The following KLHL1 variants were observed in gnomAD, a reference collection of about 807,000 sequenced individuals.
KLHL1 encodes the protein kelch like family member 1, also known as kelch-like protein 1.
KLHL1 carries 47 observed loss-of-function variants against 77.7 expected under a neutral mutation model. That is an observed-to-expected ratio of 0.60 (90% CI 0.48 to 0.77). The LOEUF (loss-of-function observed/expected upper bound fraction) is 0.77, where lower values mean the gene tolerates loss of function less well. Ranked by LOEUF, KLHL1 falls within the 30% of genes least tolerant of loss-of-function variation. The pLI is 0.00. For missense variants in KLHL1, 925 were observed against 910.8 expected (o/e 1.02, Z -0.20); for synonymous variants, 360 against 325.2 (o/e 1.11, Z -1.15).
At chr13:69,999,714 A>C (rs1430503058) in intron 1 of KLHL1, among the ~76,000 whole-genome samples, 1 of 152,052 alleles carries the variant, frequency 6.6e-6, no homozygotes, top group Non-Finnish European at 1.5e-5. Context: ...ACTGTGGTAG[A>C]ACTTTCAGAA....
chr13:69,754,027 G>A (rs1322902604), intron 7 of KLHL1, among the ~76,000 whole-genome samples: 1 of 151,700 alleles, frequency 6.6e-6, no homozygotes, highest in East Asian at 2.0e-4. Flanking sequence ...TTTTAGTAGA[G>A]ATGGGGGTGT....
chr13:69,980,357 T>G (rs1020924210), intron 1 of KLHL1, among the ~76,000 whole-genome samples: 7 of 152,252 alleles, frequency 4.6e-5, no homozygotes, highest in African/African-American at 1.7e-4. Context: ...TTTTTATCTC[T>G]TCCCATTGCC....
chr13:70,029,949 C>T lies in KLHL1; in HGVS notation c.498-54147G>A, dbSNP rs1158876797. Among the ~76,000 whole-genome samples the T allele has an allele frequency of 7.9e-5, 12 of 152,212 alleles. No individual in the cohort carries two copies. In the East Asian group the frequency reaches 2.3e-3, roughly 29 times the overall value. Reference sequence around the variant, plus strand: ...AACAAAAAAAGGCAGGGGTTGCAATCCTAGTCTCTGATAAAACAGACTTTA... The same window carrying T: ...AACAAAAAAAGGCAGGGGTTGCAATTCTAGTCTCTGATAAAACAGACTTTA... On this transcript the variant is annotated intron_variant, in intron 1 of 10. Transcript: ENST00000377844.
intron 1 of KLHL1, among the ~76,000 whole-genome samples, chr13:70,041,067 T>C (rs1233811737): frequency 6.6e-6 from 1 of 152,196 alleles, no homozygotes; most frequent in Non-Finnish European, 1.5e-5. Flanking sequence ...TATTTTTAAT[T>C]GTATATTGTA....
chr13:69,839,367 T>C (rs963601584), intron 5 of KLHL1, among the ~76,000 whole-genome samples: 2 of 151,924 alleles, frequency 1.3e-5, no homozygotes, highest in African/African-American at 4.8e-5. Flanking sequence ...TATTTTTGAT[T>C]CAATATTATT....
rs570913158 is a variant in KLHL1 at position 69,955,944 on chromosome 13, TTA to T, written c.817+5362_817+5363del. On this transcript the variant is annotated intron_variant, in intron 3 of 10. Coordinates refer to ENST00000377844, the MANE Select transcript of KLHL1 (RefSeq NM_020866.3). ...ATATTTATATATATTTGATATATAT[TTA>T]TATATATATTTGATATTTATATATT... 2.3e-4 allele frequency among the ~76,000 whole-genome samples: 31 copies of T among 133,940 alleles called. 1 individual carries two copies. The highest frequency in any genetic ancestry group is 1.5e-3 in the South Asian group (7 of 4,570). 87.9% of individuals were successfully genotyped at this position (133,940 alleles called of 152,430 possible).
intron 1 of KLHL1, among the ~76,000 whole-genome samples, chr13:70,028,093 T>C (rs573767745): frequency 6.6e-6 from 1 of 152,260 alleles, no homozygotes; most frequent in East Asian, 1.9e-4. Context: ...AATTGCTCTT[T>C]GAAGAAGTGA....
chr13:69,968,759 T>C (rs1323031851), intron 2 of KLHL1, among the ~76,000 whole-genome samples: 1 of 152,154 alleles, frequency 6.6e-6, no homozygotes, highest in Non-Finnish European at 1.5e-5. Flanking sequence ...CATCATTTTT[T>C]ATGGCTGCAT....
intron 4 of KLHL1, among the ~76,000 whole-genome samples, chr13:69,935,042 A>C (rs1477283390): frequency 6.7e-6 from 1 of 149,154 alleles, no homozygotes; most frequent in Non-Finnish European, 1.5e-5. Context: ...ATAAAGTATT[A>C]TAAAGTATAC....
At chr13:69,795,846 G>A (rs983720426) in intron 7 of KLHL1, among the ~76,000 whole-genome samples, 23 of 152,144 alleles carry the variant, frequency 1.5e-4, no homozygotes, top group African/African-American at 4.1e-4. Flanking sequence ...TGGTGCCAGC[G>A]AATGTGTTGC....
intron 1 of KLHL1, among the ~76,000 whole-genome samples, chr13:70,082,147 G>C (rs370282721): frequency 2.6e-5 from 4 of 152,188 alleles, no homozygotes; most frequent in African/African-American, 9.6e-5. Context: ...AGTCTCCTGA[G>C]AGCTCCCTGG....
chr13:69,976,781 A>G (rs879871051), intron 1 of KLHL1, among the ~76,000 whole-genome samples: 7 of 152,144 alleles, frequency 4.6e-5, no homozygotes, highest in Non-Finnish European at 7.4e-5. Flanking sequence ...AGTTACATAC[A>G]ATATCAAAAT....
At chr13:69,839,725 G>A (rs1233221802) in intron 5 of KLHL1, among the ~76,000 whole-genome samples, 1 of 151,866 alleles carries the variant, frequency 6.6e-6, no homozygotes, top group Non-Finnish European at 1.5e-5. Flanking sequence ...TTCCAATAGT[G>A]AAAATTTTAT....
rs1239360500 is a variant in KLHL1 at position 69,737,934 on chromosome 13, TG to T, written c.1802+2459del. On this transcript the variant is annotated intron_variant, in intron 8 of 10. Transcript: ENST00000377844. ...GGTCCTTGATCCTGCTCCTCCTGAC[TG>T]GGTGAGACCTGCAAACAGAAGTCTC... 3.3e-5 allele frequency among the ~76,000 whole-genome samples: 5 copies of T among 152,244 alleles called. No individual in the cohort carries two copies. The East Asian group carries it at 5.8e-4, about 18-fold the overall frequency.
chr13:69,845,487 A>G (rs1054542394), intron 5 of KLHL1, among the ~76,000 whole-genome samples: 7 of 151,692 alleles, frequency 4.6e-5, no homozygotes, highest in African/African-American at 1.7e-4. Flanking sequence ...TAGCAGAAAT[A>G]AAAGTTAGCT....
At chr13:69,727,104 G>A (rs1039730539) in intron 8 of KLHL1, among the ~76,000 whole-genome samples, 4 of 151,930 alleles carry the variant, frequency 2.6e-5, no homozygotes, top group Non-Finnish European at 5.9e-5. Context: ...ATTTTAACTG[G>A]GTGGATTCAA....
At chr13:69,770,976 T>A (rs1304734019) in intron 7 of KLHL1, among the ~76,000 whole-genome samples, 1 of 152,190 alleles carries the variant, frequency 6.6e-6, no homozygotes, top group Non-Finnish European at 1.5e-5. Context: ...ATGAATGGCA[T>A]AAGCAAATGT....
At chr13:70,084,589 G>GCTGGGA (rs1887479550) in intron 1 of KLHL1, among the ~76,000 whole-genome samples, 1 of 127,758 alleles carries the variant, frequency 7.8e-6, no homozygotes, top group Admixed American at 9.0e-5. Flanking sequence ...CTCCCGAGTA[G>GCTGGGA]CTGGGACTAC....
At chr13:70,027,273 T>C (rs905130309) in intron 1 of KLHL1, among the ~76,000 whole-genome samples, 2 of 152,136 alleles carry the variant, frequency 1.3e-5, no homozygotes, top group African/African-American at 4.8e-5. Flanking sequence ...TGGAAAAAGA[T>C]AGACAAAGTA....
Sources: allele counts gnomAD v4.1 joint callset (sites outside exome capture counted in the v4.1 genomes callset), GRCh38; gene constraint gnomAD v4.1.1; transcripts MANE v1.5; gene names NCBI Gene and HGNC (gene_info 2026-07-23, HGNC 2026-07-21).